Variants in NBEA observed in about 807,000 individuals in gnomAD.
NBEA encodes the protein neurobeachin.
Under a neutral mutation model 343.4 loss-of-function variants are expected in NBEA, and 44 were observed. The observed-to-expected ratio is 0.13, with a 90% CI of 0.10 to 0.16. The LOEUF is 0.16. NBEA is among the 10% of genes least tolerant of loss of function. The probability of loss-of-function intolerance (pLI) is 1.00; values close to 1 mark genes in which losing one functional copy is unlikely to be tolerated. For synonymous variants in NBEA, 1,175 were observed against 1,238.7 expected, an observed-to-expected ratio of 0.95 and a Z score of 1.08; for missense variants, 2,555 against 3,631.3, an observed-to-expected ratio of 0.70 and a Z score of 7.62.
intron 8 of NBEA, among the ~76,000 whole-genome samples, chr13:35,062,381 A>T (rs1247434676): frequency 6.6e-6 from 1 of 151,762 alleles, no homozygotes; most frequent in Non-Finnish European, 1.5e-5. Context: ...GGCAATTTTG[A>T]AAGGTCTAAT....
rs1271687535 is a variant in NBEA at position 35,452,251 on chromosome 13, T to G, written c.6448+16T>G. On this transcript the variant is annotated intron_variant, in intron 40 of 58. Coordinates refer to ENST00000379939, the MANE Select transcript of NBEA (RefSeq NM_001385012.1). Reference sequence around the variant, plus strand: ...AACCTTGCAGGTAAATTTTAAAATATATTTTTCCTATTTGTTGTAAATAAA... The same window carrying G: ...AACCTTGCAGGTAAATTTTAAAATAGATTTTTCCTATTTGTTGTAAATAAA... 3.3e-6 allele frequency: 5 copies of G among 1,534,992 alleles called. No individual in the cohort carries two copies. In the African/African-American group the frequency reaches 6.9e-5, roughly 21 times the overall value.
intron 38 of NBEA, among the ~76,000 whole-genome samples, chr13:35,417,323 T>C (rs1255190437): frequency 6.6e-6 from 1 of 151,910 alleles, no homozygotes; most frequent in Non-Finnish European, 1.5e-5. Flanking sequence ...TTTAATTGTG[T>C]TGTTAGGGTG....
At chr13:35,174,931 T>C (rs566573284) in intron 27 of NBEA, among the ~76,000 whole-genome samples, 1 of 152,108 alleles carries the variant, frequency 6.6e-6, no homozygotes, top group South Asian at 2.1e-4. Flanking sequence ...TAGCTGGGAC[T>C]ACAGATGTGT....
intron 47 of NBEA, among the ~76,000 whole-genome samples, chr13:35,604,159 T>G (rs906297743): frequency 2.6e-5 from 4 of 152,234 alleles, no homozygotes; most frequent in African/African-American, 9.6e-5. Flanking sequence ...GAATAGTCAC[T>G]GCTGAAGTGC....
At chr13:35,297,221 T>C (rs936100147) in intron 35 of NBEA, among the ~76,000 whole-genome samples, 1 of 152,084 alleles carries the variant, frequency 6.6e-6, no homozygotes, top group African/African-American at 2.4e-5. Context: ...ATCTTCCCAA[T>C]TATTTCAAAC....
chr13:35,128,592 G>A (rs1205975479), intron 17 of NBEA, among the ~76,000 whole-genome samples: 1 of 152,100 alleles, frequency 6.6e-6, no homozygotes, highest in Non-Finnish European at 1.5e-5. Flanking sequence ...CTACAAGTCA[G>A]TAAGTTTAAA....
intron 36 of NBEA, among the ~76,000 whole-genome samples, chr13:35,330,235 T>C (rs2038843680): frequency 6.6e-6 from 1 of 152,096 alleles, no homozygotes; most frequent in South Asian, 2.1e-4. Context: ...AAGAATCAAA[T>C]GAGATGATAA....
rs1041484889 is a variant in NBEA, at chr13:35,157,261, C to G, written c.2835C>G (p.Ala945=). The part of the protein sequence containing the change: ...WRVWVDTLSI[A]HSKVTYEAHK... ...TCTGGGTGGATACCCTCTCAATAGC[C>G]CATTCCAAGGTAACACGGGATTTAA... The change falls in exon 21 of 59, where the codon GCC becomes GCG. Residue 945 remains alanine (A), a synonymous_variant. Coordinates refer to ENST00000379939, the MANE Select transcript of NBEA (RefSeq NM_001385012.1). The G allele has an allele frequency of 1.9e-6, 3 of 1,559,630 alleles. No individual in the cohort carries two copies. The highest frequency in any genetic ancestry group is 2.6e-6 in the Non-Finnish European group (3 of 1,152,882).
intron 1 of NBEA, among the ~76,000 whole-genome samples, chr13:35,027,133 A>G (rs1255223224): frequency 6.6e-6 from 1 of 151,972 alleles, no homozygotes; most frequent in Non-Finnish European, 1.5e-5. Context: ...TCCACAGTTC[A>G]TTTAGCCATG....
chr13:35,508,692 T>C lies in NBEA; in HGVS notation c.6585+36156T>C, dbSNP rs187238853. 1.8e-4 allele frequency among the ~76,000 whole-genome samples: 28 copies of C among 152,272 alleles called. 1 individual carries two copies. In the East Asian group the frequency reaches 4.1e-3, roughly 22 times the overall value. ...GTAGTGCTGGAATGGGTATAGGAGA[T>C]GTGATAACTTTACTTTTGGAAATAG... On this transcript the variant is annotated intron_variant, in intron 41 of 58. Transcript: ENST00000379939.
intron 28 of NBEA, among the ~76,000 whole-genome samples, chr13:35,179,031 G>A (rs2071120435): frequency 6.6e-6 from 1 of 151,568 alleles, no homozygotes; most frequent in Admixed American, 6.6e-5. Flanking sequence ...AGTAAATTTT[G>A]AATTAGGTTA....
At chr13:35,425,867 C>G (rs1012923227) in intron 38 of NBEA, among the ~76,000 whole-genome samples, 2 of 152,150 alleles carry the variant, frequency 1.3e-5, no homozygotes, top group Non-Finnish European at 2.9e-5. Flanking sequence ...ATAGTTAGCT[C>G]TTCTTGTTGA....
intron 6 of NBEA, among the ~76,000 whole-genome samples, chr13:35,054,511 A>C (rs769582040): frequency 6.6e-6 from 1 of 152,130 alleles, no homozygotes; most frequent in African/African-American, 2.4e-5. Context: ...AAAAAACTTA[A>C]AAAAGGATGT....
chr13:35,179,461 A>G (rs182700547), intron 28 of NBEA, among the ~76,000 whole-genome samples: 57 of 151,516 alleles, frequency 3.8e-4, no homozygotes, highest in African/African-American at 2.2e-4. Context: ...TTTAGCCTCT[A>G]TGTATACTGA....
intron 33 of NBEA, among the ~76,000 whole-genome samples, chr13:35,217,643 A>G (rs2074137640): frequency 6.6e-6 from 1 of 152,062 alleles, no homozygotes; most frequent in African/African-American, 2.4e-5. Context: ...CCCATGAGGC[A>G]TGTTTTTAAG....
chr13:35,021,808 A>T (rs547990627), intron 1 of NBEA, among the ~76,000 whole-genome samples: 2 of 152,250 alleles, frequency 1.3e-5, no homozygotes, highest in South Asian at 4.1e-4. Flanking sequence ...TTCTACGTGC[A>T]TTATCTTAAG....
Position 35,159,300 on chromosome 13 carries a change from A to G in NBEA, c.3129A>G (p.Arg1043=). The stretch of plus-strand genomic sequence containing the variant: ...ATGATATTCTTGGAAATTCAGATAG[A>G]CCAGGAAGTGGTGTACATGTGGAAG... ...VSDDILGNSD[R]PGSGVHVEVH... The change falls in exon 22 of 59, where the codon AGA becomes AGG. Residue 1043 remains arginine, a synonymous_variant. Coordinates refer to ENST00000379939, the MANE Select transcript of NBEA (RefSeq NM_001385012.1). The G allele has an allele frequency of 6.2e-7, 1 of 1,613,630 alleles. No homozygotes were observed. The highest frequency in any genetic ancestry group is 8.5e-7 in the Non-Finnish European group (1 of 1,179,688).
rs144786750 is a variant in NBEA at position 34,988,978 on chromosome 13, C to T, written c.294+45864C>T. 2.6e-5 allele frequency among the ~76,000 whole-genome samples: 4 copies of T among 151,054 alleles called. No homozygotes were observed. In the East Asian group the frequency reaches 5.8e-4, roughly 22 times the overall value. On this transcript the variant is annotated intron_variant, in intron 1 of 58. Coordinates refer to ENST00000379939, the MANE Select transcript of NBEA (RefSeq NM_001385012.1). The stretch of plus-strand genomic sequence containing the variant: ...TACTGGATTTAGGCCTTCTATCTTA[C>T]TACTATTTGTTGTTTCTTTGTCCCA...
At chr13:35,542,515 A>G (rs980019159) in intron 41 of NBEA, among the ~76,000 whole-genome samples, 1 of 152,174 alleles carries the variant, frequency 6.6e-6, no homozygotes, top group African/African-American at 2.4e-5. Flanking sequence ...TGATGATAGT[A>G]TTCATTATTA....
Sources: allele counts gnomAD v4.1 joint callset (sites outside exome capture counted in the v4.1 genomes callset), GRCh38; gene constraint gnomAD v4.1.1; transcripts MANE v1.5; gene names NCBI Gene and HGNC (gene_info 2026-07-23, HGNC 2026-07-21).